GGTA1: variants seen among roughly 807,000 people sequenced by gnomAD.
GGTA1 encodes the protein inactive N-acetyllactosaminide alpha-1,3-galactosyltransferase.
In GGTA1, 5 loss-of-function variants were observed where a neutral mutation model predicts 2.6. The ratio of observed to expected loss-of-function variants is 1.92; its 90% CI spans 1.00 to 4.04. GGTA1 has a LOEUF of 4.04. Among genes scored for constraint, GGTA1 ranks in the 30% most tolerant of loss-of-function variants. The pLI is 0.00. For synonymous variants in GGTA1, 17 were observed against 5.0 expected, an observed-to-expected ratio of 3.38 and a Z score of -3.19; for missense variants, 50 against 16.7, an observed-to-expected ratio of 2.99 and a Z score of -3.47.
Position 121,460,048 on chromosome 9 carries a change from C to T in GGTA1, c.298+56G>A, listed in dbSNP as rs975231886. The T allele has an allele frequency of 1.1e-5, 5 of 451,474 alleles. No individual in the cohort carries two copies. In the Admixed American group the frequency reaches 1.2e-4, roughly 11 times the overall value. The allele number at this position is 451,474 out of a possible 1,614,324, so 28.0% of individuals were successfully genotyped here. ...TGGCACTGTTGCCTCCACTGCCACA[C>T]CACCCCCTGCAGGGCCATGGATTTG... On this transcript the variant is annotated intron_variant, in intron 5 of 5. Coordinates refer to ENST00000481799, the MANE Select transcript of GGTA1 (RefSeq NM_001382585.1).
intron 1 of GGTA1, among the ~76,000 whole-genome samples, chr9:121,494,055 C>A (rs890693672): frequency 1.2e-4 from 19 of 152,144 alleles, no homozygotes; most frequent in Non-Finnish European, 2.1e-4. Flanking sequence ...CCGCACCCAG[C>A]CGCTAGGCTC....
At chr9:121,484,023 A>T (rs1405319597) in intron 1 of GGTA1, among the ~76,000 whole-genome samples, 1 of 152,158 alleles carries the variant, frequency 6.6e-6, no homozygotes, top group Non-Finnish European at 1.5e-5. Context: ...CCCACCTCTC[A>T]GGGTGGTTGA....
chr9:121,486,674 C>A (rs1000532709), intron 1 of GGTA1, among the ~76,000 whole-genome samples: 1 of 152,222 alleles, frequency 6.6e-6, no homozygotes, highest in African/African-American at 2.4e-5. Context: ...TGTGGCCCTA[C>A]AAATGTCTTA....
At chr9:121,477,242 T>C (rs924405556) in intron 1 of GGTA1, among the ~76,000 whole-genome samples, 2 of 152,234 alleles carry the variant, frequency 1.3e-5, no homozygotes, top group Admixed American at 1.3e-4. Flanking sequence ...TAAATTGCTC[T>C]AAACTCTCAG....
At chr9:121,497,614 C>T (rs1049992111) in intron 1 of GGTA1, among the ~76,000 whole-genome samples, 8 of 151,964 alleles carry the variant, frequency 5.3e-5, no homozygotes, top group African/African-American at 1.2e-4. Context: ...AAGGCAGGGA[C>T]GGGCGCAGAA....
chr9:121,496,044 C>A (rs908651710), intron 1 of GGTA1, among the ~76,000 whole-genome samples: 1 of 152,192 alleles, frequency 6.6e-6, no homozygotes, highest in Admixed American at 6.5e-5. Flanking sequence ...CCCAGTTGAC[C>A]CATAGAGACT....
chr9:121,447,844 C>T (rs182762275), intron 7 of GGTA1, among the ~76,000 whole-genome samples: 10 of 152,222 alleles, frequency 6.6e-5, no homozygotes, highest in African/African-American at 1.7e-4. Context: ...TCACTCAGTC[C>T]GTGGGGAGCT....
chr9:121,460,335 G>T (rs948533612), intron 4 of GGTA1, 116 bp from the exon 5 acceptor site: 1 of 399,238 alleles, frequency 2.5e-6, no homozygotes, highest in African/African-American at 2.1e-5. Flanking sequence ...TGCACTAAGT[G>T]AACTGACCAG....
intron 1 of GGTA1, among the ~76,000 whole-genome samples, chr9:121,496,731 CAAAAAAAAAAAAAAAAA>C (rs772847384): frequency 3.2e-5 from 1 of 31,206 alleles, no homozygotes; most frequent in African/African-American, 1.2e-4. Context: ...GGCTCCATCT[CAAAAAAAAAAAAAAAAA>C]AAAAAAAAAA....
chr9:121,464,231 C>T (rs1400775870), intron 2 of GGTA1, among the ~76,000 whole-genome samples: 2 of 152,046 alleles, frequency 1.3e-5, no homozygotes, highest in African/African-American at 4.8e-5. Flanking sequence ...TAGCACAGTG[C>T]CTGGTACATA....
downstream of GGTA1, among the ~76,000 whole-genome samples, chr9:121,452,528 AT>A (rs1027236891): frequency 2.0e-5 from 3 of 148,458 alleles, no homozygotes; most frequent in South Asian, 2.1e-4. Flanking sequence ...TTTATTTTTT[AT>A]TTTTTTTTAA....
At chr9:121,467,170 T>A (rs2065011086) in intron 2 of GGTA1, among the ~76,000 whole-genome samples, 1 of 152,198 alleles carries the variant, frequency 6.6e-6, no homozygotes, top group Non-Finnish European at 1.5e-5. Flanking sequence ...TGGCTGCTTG[T>A]GAAGACTTCA....
chr9:121,481,134 CAG>C (rs1564656256), intron 1 of GGTA1, among the ~76,000 whole-genome samples: 1 of 118,396 alleles, frequency 8.4e-6, no homozygotes, highest in African/African-American at 3.4e-5. Flanking sequence ...GCCTGGGCGA[CAG>C]AGCAAGACAC....
intron 1 of GGTA1, among the ~76,000 whole-genome samples, chr9:121,471,856 G>A (rs1031906317): frequency 2.0e-5 from 3 of 152,206 alleles, no homozygotes; most frequent in Admixed American, 6.5e-5. Flanking sequence ...GTCTGCATCC[G>A]AAGCACCAGC....
rs774074724 is a variant in GGTA1, at chr9:121,476,957, C to T, written c.-9-9026G>A. On this transcript the variant is annotated intron_variant, in intron 1 of 5. Coordinates refer to ENST00000481799, the MANE Select transcript of GGTA1 (RefSeq NM_001382585.1). The surrounding 1 kb of genome is among the most constrained non-coding windows in gnomAD (Gnocchi z 4.6). ...CACCCACCTAGGTCCCAGAAACAAC[C>T]GGTCCCAGGTGGACCTTGTTGAGCA... 6.6e-6 allele frequency among the ~76,000 whole-genome samples: 1 copy of T among 152,180 alleles called. No individual in the cohort carries two copies. Among genetic ancestry groups the T allele is most frequent in the African/African-American group, 2.4e-5 (1 of 41,440 alleles).
downstream of GGTA1, among the ~76,000 whole-genome samples, chr9:121,450,041 T>C (rs1204749210): frequency 6.6e-6 from 1 of 152,172 alleles, no homozygotes; most frequent in Non-Finnish European, 1.5e-5. Context: ...ATCACACTAC[T>C]GGCCAATCAT....
rs1254394923 is a variant in GGTA1 at position 121,493,508 on chromosome 9, A to C, written c.-10+6142T>G. On this transcript the variant is annotated intron_variant, in intron 1 of 5. Transcript: ENST00000481799. ...CAACTTCAGGGCTTTTGTGAGGCTC[A>C]CGTGAGATGAGTACATGGTCTTACT... is the stretch of plus-strand genomic sequence containing the variant. Among the ~76,000 whole-genome samples, 5 of 152,210 alleles carry C rather than the reference A, an allele frequency of 3.3e-5. 1 individual carries two copies. In the East Asian group the frequency reaches 9.6e-4, roughly 29 times the overall value.
chr9:121,472,648 T>C (rs1828416680), intron 1 of GGTA1, among the ~76,000 whole-genome samples: 1 of 152,202 alleles, frequency 6.6e-6, no homozygotes, highest in African/African-American at 2.4e-5. Flanking sequence ...GCCTCAGAAG[T>C]GGGATGTGAC....
In GGTA1 at chr9:121,449,222, G is replaced by A. The variant is rs1328483237; in HGVS notation, c.*119-1625C>T. Among the ~76,000 whole-genome samples the A allele has an allele frequency of 2.0e-5, 3 of 152,240 alleles. No homozygotes were observed. The East Asian group carries it at 5.8e-4, about 29-fold the overall frequency. ...CAAAGGACATTGTGGTTGCTCTCAA[G>A]TTTTGGCAATTATGAAATAAAGCTT... On this transcript the variant is annotated intron_variant and NMD_transcript_variant, in intron 7 of 7. Coordinates refer to the GGTA1 transcript ENST00000481534.
Sources: allele counts gnomAD v4.1 joint callset (sites outside exome capture counted in the v4.1 genomes callset), GRCh38; gene constraint gnomAD v4.1.1; non-coding constraint Gnocchi (gnomAD v3.1); transcripts MANE v1.5; gene names NCBI Gene and HGNC (gene_info 2026-07-23, HGNC 2026-07-21).